BCAR3: variants seen among roughly 807,000 people sequenced by gnomAD.
BCAR3 encodes breast cancer anti-estrogen resistance protein 3.
In BCAR3, 37 loss-of-function variants were observed where a neutral mutation model predicts 80.1. The observed-to-expected ratio is 0.46, with a 90% CI of 0.36 to 0.61. The LOEUF is 0.61. Ranked by LOEUF, BCAR3 falls within the 20% of genes least tolerant of loss-of-function variation. The pLI, the probability that BCAR3 is intolerant of heterozygous loss-of-function variation, is 0.00. For missense variants in BCAR3, 978 were observed against 1,068.2 expected (o/e 0.92, Z 1.18); for synonymous variants, 389 against 418.9 (o/e 0.93, Z 0.87).
At position 93,567,077 on chromosome 1, in the gene BCAR3, A is replaced by G. The variant is rs1672982255; in HGVS notation, c.2299+202T>C. ...TCTGTTTATTCTATACCATTGAACAACAGAACACACAAGGAGAAACAGGGC... is the reference window on the plus strand; with the variant it reads ...TCTGTTTATTCTATACCATTGAACAGCAGAACACACAAGGAGAAACAGGGC... On this transcript the variant is annotated intron_variant, in intron 11 of 11. Transcript: ENST00000260502. 3.9e-5 allele frequency among the ~76,000 whole-genome samples: 6 copies of G among 152,268 alleles called. No homozygotes were observed. The South Asian group carries it at 1.2e-3, about 32-fold the overall frequency.
chr1:93,712,360 CTGCCA>C (rs1650051908), intron 2 of BCAR3, among the ~76,000 whole-genome samples: 1 of 152,212 alleles, frequency 6.6e-6, no homozygotes. Flanking sequence ...ACAATTCCTG[CTGCCA>C]CACATGGGCA....
At chr1:93,807,868 T>C in intron 2 of BCAR3, among the ~76,000 whole-genome samples, 1 of 151,798 alleles carries the variant, frequency 6.6e-6, no homozygotes, top group East Asian at 1.9e-4. Flanking sequence ...ACCCTGTCTC[T>C]ACAAAAAATA....
At chr1:93,604,915 T>C (rs902693733) in intron 3 of BCAR3, among the ~76,000 whole-genome samples, 4 of 152,208 alleles carry the variant, frequency 2.6e-5, no homozygotes, top group Non-Finnish European at 4.4e-5. Flanking sequence ...CCATCCCTTC[T>C]TGACCCCAGT....
At chr1:93,838,879 A>T (rs1654861438) in intron 2 of BCAR3, among the ~76,000 whole-genome samples, 1 of 152,170 alleles carries the variant, frequency 6.6e-6, no homozygotes. Flanking sequence ...AAAGACCAAA[A>T]AATAGTGAAA....
rs115442763 is a variant in BCAR3 at position 93,744,258 on chromosome 1, C to A, written c.-62-38116G>T. Reference sequence around the variant, plus strand: ...ATTTATTCCCAATGGTGCTTGATTGCAGGGTTAGGCCCAGGTAAAGTATGA... The same window carrying A: ...ATTTATTCCCAATGGTGCTTGATTGAAGGGTTAGGCCCAGGTAAAGTATGA... On this transcript the variant is annotated intron_variant, in intron 2 of 13. Transcript: ENST00000370244. Among the ~76,000 whole-genome samples the A allele has an allele frequency of 2.8e-3, 427 of 152,284 alleles. 2 individuals are homozygous for A. Among genetic ancestry groups the A allele is most frequent in the South Asian group, 6.4e-3 (31 of 4,818 alleles).
chr1:93,614,257 C>T, intron 3 of BCAR3: 4 of 648,788 alleles, frequency 6.2e-6, no homozygotes, highest in Non-Finnish European at 7.7e-6. Context: ...TGGGCTTTAG[C>T]TGTCCCCTCA....
At chr1:93,736,010 C>A (rs981926352) in intron 2 of BCAR3, among the ~76,000 whole-genome samples, 3 of 152,194 alleles carry the variant, frequency 2.0e-5, no homozygotes, top group African/African-American at 7.2e-5. Context: ...AGTCACTGCA[C>A]ACTGACCACA....
At chr1:93,695,940 AACC>A (rs1387615757) in intron 3 of BCAR3, among the ~76,000 whole-genome samples, 2 of 152,056 alleles carry the variant, frequency 1.3e-5, no homozygotes, top group South Asian at 4.1e-4. Flanking sequence ...CTCTTTCCCC[AACC>A]ACCTTGAAAA....
At chr1:93,711,311 G>A (rs538963858) in intron 2 of BCAR3, among the ~76,000 whole-genome samples, 4 of 152,286 alleles carry the variant, frequency 2.6e-5, no homozygotes, top group African/African-American at 9.6e-5. Flanking sequence ...ATACTTGTAT[G>A]GTATGGGTCC....
intron 1 of BCAR3, among the ~76,000 whole-genome samples, chr1:93,677,932 G>A (rs1571036990): frequency 6.6e-6 from 1 of 152,186 alleles, no homozygotes; most frequent in East Asian, 1.9e-4. Flanking sequence ...TAACAGCTGT[G>A]AAGTACCTCT....
rs183231521 is a variant in BCAR3, at chr1:93,583,417, A to G, written c.1034-464T>C. 2.3e-4 allele frequency among the ~76,000 whole-genome samples: 35 copies of G among 152,300 alleles called. 1 individual carries two copies. The East Asian group carries it at 6.2e-3, about 27-fold the overall frequency. The stretch of plus-strand genomic sequence containing the variant: ...GAAAAGAGACACTGGGGTAACCTAC[A>G]TGGAGGTAGTTTACGCAGGGGCATT... On this transcript the variant is annotated intron_variant, in intron 6 of 11. Coordinates refer to ENST00000260502, the MANE Select transcript of BCAR3 (RefSeq NM_003567.4).
chr1:93,618,011 G>A (rs534446696), intron 3 of BCAR3, among the ~76,000 whole-genome samples: 5 of 152,230 alleles, frequency 3.3e-5, no homozygotes, highest in African/African-American at 1.2e-4. Flanking sequence ...AAGAGCCAGA[G>A]GGCCTGAGGG....
chr1:93,776,251 C>T (rs1652542423), intron 2 of BCAR3, among the ~76,000 whole-genome samples: 2 of 152,086 alleles, frequency 1.3e-5, no homozygotes, highest in Admixed American at 6.6e-5. Flanking sequence ...TAGAAAATGT[C>T]CGCATATGAA....
chr1:93,604,896 C>T (rs949675227), intron 3 of BCAR3, among the ~76,000 whole-genome samples: 1 of 152,224 alleles, frequency 6.6e-6, no homozygotes, highest in Non-Finnish European at 1.5e-5. Context: ...TGCACTGTAA[C>T]GTCTCTCTCC....
intron 3 of BCAR3, among the ~76,000 whole-genome samples, chr1:93,615,243 G>A (rs1026908333): frequency 2.0e-5 from 3 of 152,088 alleles, no homozygotes; most frequent in Admixed American, 1.3e-4. Flanking sequence ...AATATCCAAC[G>A]GGATTAGCGT....
chr1:93,837,306 T>C (rs1485494513), intron 2 of BCAR3, among the ~76,000 whole-genome samples: 1 of 152,236 alleles, frequency 6.6e-6, no homozygotes, highest in Non-Finnish European at 1.5e-5. Context: ...CTAATACAGC[T>C]AGCAATATAG....
At chr1:93,708,422 C>T (rs776160634) in intron 2 of BCAR3, among the ~76,000 whole-genome samples, 1 of 152,184 alleles carries the variant, frequency 6.6e-6, no homozygotes, top group Admixed American at 6.5e-5. Context: ...CTGTTTTTCT[C>T]TCTTTCTCCC....
intron 3 of BCAR3, among the ~76,000 whole-genome samples, chr1:93,616,583 C>G (rs1313446194): frequency 1.3e-5 from 2 of 152,186 alleles, no homozygotes; most frequent in African/African-American, 2.4e-5. Flanking sequence ...GGTATCTGAT[C>G]ACATAGAAAC....
intron 3 of BCAR3, among the ~76,000 whole-genome samples, chr1:93,621,987 T>G (rs1675329882): frequency 6.6e-6 from 1 of 152,228 alleles, no homozygotes; most frequent in Non-Finnish European, 1.5e-5. Context: ...TTCTCCTGCC[T>G]CAGCCTCCCG....
Sources: allele counts gnomAD v4.1 joint callset (sites outside exome capture counted in the v4.1 genomes callset), GRCh38; gene constraint gnomAD v4.1.1; transcripts MANE v1.5; gene names NCBI Gene and HGNC (gene_info 2026-07-23, HGNC 2026-07-21).